Variants in JOSD1 observed in about 807,000 individuals in gnomAD.
JOSD1 encodes josephin-1.
Under a neutral mutation model 24.3 loss-of-function variants are expected in JOSD1, and 11 were observed. The ratio of observed to expected loss-of-function variants is 0.45; its 90% CI spans 0.29 to 0.75. The LOEUF (loss-of-function observed/expected upper bound fraction) is 0.75, where lower values mean the gene tolerates loss of function less well. JOSD1 is among the 30% of genes least tolerant of loss of function. JOSD1 has a pLI of 0.11. For missense variants in JOSD1, 184 were observed against 253.5 expected (o/e 0.73, Z 1.86); for synonymous variants, 106 against 93.8 (o/e 1.13, Z -0.75).
intron 2 of JOSD1, among the ~76,000 whole-genome samples, chr22:38,695,442 T>G (rs1317220484): frequency 8.1e-6 from 1 of 123,624 alleles, no homozygotes; most frequent in African/African-American, 2.8e-5. Context: ...ACTTTTTGCC[T>G]AGTTTTTTTT....
At position 38,700,504 on chromosome 22, in the gene JOSD1, G is replaced by A; in HGVS notation, c.-517C>T. ...TAGCTAGCGCGGGCCGGCAGGCGTG[G>A]GACCGCGAGCCGCGCGGGGGCCTCG... is the stretch of plus-strand genomic sequence containing the variant. On this transcript the variant is annotated 5_prime_UTR_variant, in exon 2 of 5. Transcript: ENST00000683374. The A allele has an allele frequency of 1.0e-6, 1 of 986,164 alleles. No homozygotes were observed. Among genetic ancestry groups the A allele is most frequent in the Non-Finnish European group, 1.2e-6 (1 of 830,430 alleles). The allele number at this position is 986,164 out of a possible 1,614,324, so 61.1% of individuals were successfully genotyped here. A position where few individuals can be genotyped will look rare whatever the true frequency, so the allele number is the denominator to read the frequency against.
Position 38,689,409 on chromosome 22 carries a change from G to A in JOSD1, c.201C>T (p.Thr67=), listed in dbSNP as rs757251686. 5 of 1,614,058 alleles carry A rather than the reference G, an allele frequency of 3.1e-6. No homozygotes were observed. The highest frequency in any genetic ancestry group is 4.2e-6 in the Non-Finnish European group (5 of 1,180,034). ...QEIFQRLSPN[T]MVTPHKKSML... is the part of the protein sequence containing the mutation. ...TGCTCTTCTTGTGAGGTGTCACCAT[G>A]GTGTTTGGAGACAACCTACCAATGT... Residue 67 remains threonine, a synonymous_variant, in exon 3 of 5, where the codon ACC becomes ACT. Coordinates refer to ENST00000683374, the MANE Select transcript of JOSD1 (RefSeq NM_001360236.2).
chr22:38,690,964 G>A (rs1046585311), intron 2 of JOSD1, among the ~76,000 whole-genome samples: 1 of 152,144 alleles, frequency 6.6e-6, no homozygotes, highest in Non-Finnish European at 1.5e-5. Context: ...AGGCTGCAGT[G>A]AGCCGAACAT....
In JOSD1 at chr22:38,700,824, G is replaced by T; in HGVS notation, c.-656C>A. 1.0e-6 allele frequency: 1 copy of T among 984,784 alleles called. No individual in the cohort carries two copies. Among genetic ancestry groups the T allele is most frequent in the African/African-American group, 1.7e-5 (1 of 57,222 alleles). The allele number at this position is 984,784 out of a possible 1,614,324, so 61.0% of individuals were successfully genotyped here. On this transcript the variant is annotated 5_prime_UTR_variant, in exon 1 of 5. In the 5' UTR this introduces an upstream ATG that the reference lacks. Transcript: ENST00000683374. ...CCTCCCCGCCCGTCACGTGAGCGCA[G>T]GCCCAGACGCCCTCCCGCCGCGCCC...
chr22:38,688,192 G>C (rs1209330444), intron 4 of JOSD1, among the ~76,000 whole-genome samples, 191 bp from the exon 5 acceptor site: 1 of 152,170 alleles, frequency 6.6e-6, no homozygotes, highest in Non-Finnish European at 1.5e-5. Flanking sequence ...CCTGAATTTT[G>C]CTCATCCTTG....
intron 2 of JOSD1, among the ~76,000 whole-genome samples, chr22:38,694,861 CT>C (rs2092538085): frequency 2.2e-5 from 2 of 92,998 alleles, no homozygotes; most frequent in Admixed American, 1.2e-4. Context: ...GAGACTCAGT[CT>C]CAAAAAAAAA....
chr22:38,693,558 G>C (rs1324001054), intron 2 of JOSD1, among the ~76,000 whole-genome samples: 1 of 152,066 alleles, frequency 6.6e-6, no homozygotes, highest in Non-Finnish European at 1.5e-5. Flanking sequence ...CTCTCACTGG[G>C]CTTAGTGCAC....
At chr22:38,691,449 C>G (rs1010540512) in intron 2 of JOSD1, among the ~76,000 whole-genome samples, 2 of 152,014 alleles carry the variant, frequency 1.3e-5, no homozygotes, top group Admixed American at 6.6e-5. Flanking sequence ...ACCTAAAGCA[C>G]TTAAATACAC....
intron 2 of JOSD1, among the ~76,000 whole-genome samples, chr22:38,694,428 A>C (rs1029560920): frequency 6.6e-6 from 1 of 152,196 alleles, no homozygotes; most frequent in Admixed American, 6.5e-5. Context: ...TCCAGTGGAA[A>C]GTATTCTTGA....
chr22:38,699,566 C>A (rs138237809), intron 2 of JOSD1, among the ~76,000 whole-genome samples: 1 of 152,174 alleles, frequency 6.6e-6, no homozygotes, highest in Non-Finnish European at 1.5e-5. Flanking sequence ...ACGTATTCCA[C>A]GGGACTGTTG....
At chr22:38,697,648 G>C (rs1021032939) in intron 2 of JOSD1, among the ~76,000 whole-genome samples, 1 of 152,238 alleles carries the variant, frequency 6.6e-6, no homozygotes, top group African/African-American at 2.4e-5. Context: ...AGCGGTTAGC[G>C]GGGCAGGTTC....
At chr22:38,693,425 G>T (rs1160979844) in intron 2 of JOSD1, among the ~76,000 whole-genome samples, 1 of 152,076 alleles carries the variant, frequency 6.6e-6, no homozygotes, top group African/African-American at 2.4e-5. Flanking sequence ...CAGCCTCTAT[G>T]TTCCTGCCAA....
At position 38,699,794 on chromosome 22, in the gene JOSD1, G is replaced by A. The variant is rs1282294292; in HGVS notation, c.185+9C>T. On this transcript the variant is annotated intron_variant, in intron 2 of 4. Transcript: ENST00000683374. Reference sequence around the variant, plus strand: ...CAGTATCAAGATGCCAAGGAGAAGGGTCCCCTACCTCTGGAAAATCTCTTG... The same window carrying A: ...CAGTATCAAGATGCCAAGGAGAAGGATCCCCTACCTCTGGAAAATCTCTTG... 2 of 1,613,664 alleles carry A rather than the reference G, an allele frequency of 1.2e-6. No individual in the cohort carries two copies. The highest frequency in any genetic ancestry group is 1.7e-6 in the Non-Finnish European group (2 of 1,179,656).
chr22:38,691,995 T>A (rs907102615), intron 2 of JOSD1, among the ~76,000 whole-genome samples: 1 of 152,206 alleles, frequency 6.6e-6, no homozygotes, highest in East Asian at 1.9e-4. Context: ...CAGTGTTTAT[T>A]TTTGTTGTCC....
rs1438306911 is a variant in JOSD1, at chr22:38,700,247, A to C, written c.-260T>G. On this transcript the variant is annotated 5_prime_UTR_variant, in exon 2 of 5. Transcript: ENST00000683374. ...CACTGTCAAAGTGCAGAATTTAAAA[A>C]AACACATAAAATGTAAGACCTTGTT... The C allele has an allele frequency of 8.6e-7, 1 of 1,163,010 alleles. No homozygotes were observed. The highest frequency in any genetic ancestry group is 4.2e-5 in the Admixed American group (1 of 23,680). The allele number at this position is 1,163,010 out of a possible 1,614,324, so 72.0% of individuals were successfully genotyped here.
At chr22:38,699,283 T>C (rs1407617288) in intron 2 of JOSD1, among the ~76,000 whole-genome samples, 2 of 152,228 alleles carry the variant, frequency 1.3e-5, no homozygotes, top group Admixed American at 1.3e-4. Flanking sequence ...TGCCAGCACA[T>C]GGCCTCACAG....
Position 38,700,547 on chromosome 22 carries a change from C to T in JOSD1, c.-560G>A. 1.3e-5 allele frequency: 13 copies of T among 985,854 alleles called. No individual in the cohort carries two copies. Among genetic ancestry groups the T allele is most frequent in the Non-Finnish European group, 1.4e-5 (12 of 830,226 alleles). The allele number at this position is 985,854 out of a possible 1,614,324, so 61.1% of individuals were successfully genotyped here. Reference sequence around the variant, plus strand: ...GGGCCTCGGGGGCAGCCCTCCATCCCCTCGGGTACGGTGGGGCCCGCAGGG... The same window carrying T: ...GGGCCTCGGGGGCAGCCCTCCATCCTCTCGGGTACGGTGGGGCCCGCAGGG... On this transcript the variant is annotated 5_prime_UTR_variant, in exon 2 of 5. Transcript: ENST00000683374.
In JOSD1 at chr22:38,687,101, C is replaced by T. The variant is rs536253172; in HGVS notation, c.*801G>A. ...TTGGGAGGCCAAGGCGGGCAGATCA[C>T]TTGAGGTCGGGAGTTTGAGACCAGC... On this transcript the variant is annotated 3_prime_UTR_variant, in exon 5 of 5. Coordinates refer to ENST00000683374, the MANE Select transcript of JOSD1 (RefSeq NM_001360236.2). The T allele has an allele frequency of 2.0e-5, 3 of 152,398 alleles. No individual in the cohort carries two copies. The highest frequency in any genetic ancestry group is 4.4e-5 in the Non-Finnish European group (3 of 68,086). 9.4% of individuals were successfully genotyped at this position (152,398 alleles called of 1,614,324 possible).
intron 2 of JOSD1, among the ~76,000 whole-genome samples, chr22:38,691,911 G>C (rs2092524121): frequency 6.6e-6 from 1 of 152,152 alleles, no homozygotes; most frequent in African/African-American, 2.4e-5. Flanking sequence ...GACTATCTGT[G>C]AACGCTACAC....
Sources: gnomAD v4.1 joint callset for allele counts (sites outside exome capture counted in the v4.1 genomes callset) on GRCh38, gnomAD v4.1.1 for gene constraint, MANE v1.5 for transcripts, NCBI Gene and HGNC (gene_info 2026-07-23, HGNC 2026-07-21) for gene names.